The following ARHGAP11A variants were observed in gnomAD, a reference collection of about 807,000 sequenced individuals.
ARHGAP11A encodes the protein Rho GTPase activating protein 11A.
Under a neutral mutation model 60.5 loss-of-function variants are expected in ARHGAP11A, and 36 were observed. The observed-to-expected ratio is 0.59, with a 90% CI of 0.46 to 0.79. ARHGAP11A has a LOEUF of 0.79. Among genes scored for constraint, ARHGAP11A ranks in the 30% least tolerant of loss-of-function variants. The pLI, the probability that ARHGAP11A is intolerant of heterozygous loss-of-function variation, is 0.00. For synonymous variants in ARHGAP11A, 362 were observed against 415.5 expected (o/e 0.87, Z 1.57); for missense variants, 1,071 against 1,199.2 (o/e 0.89, Z 1.58).
chr15:32,618,758 A>ACCCCCCCCC lies in ARHGAP11A; in HGVS notation c.130-1345_130-1337dup, dbSNP rs57091917. 6.8e-3 allele frequency among the ~76,000 whole-genome samples: 799 copies of ACCCCCCCCC among 117,492 alleles called. 1 individual carries two copies. Among genetic ancestry groups the ACCCCCCCCC allele is most frequent in the Middle Eastern group, 0.014 (3 of 214 alleles). The allele number at this position is 117,492 out of a possible 152,430, so 77.1% of individuals were successfully genotyped here. ...AGACCATCCTAGCTAACACGGTGAA[A>ACCCCCCCCC]CCCCCCCCCCCCCGCCCCACGTCTC... On this transcript the variant is annotated intron_variant, in intron 1 of 11. Coordinates refer to ENST00000361627, the MANE Select transcript of ARHGAP11A (RefSeq NM_014783.6).
intron 2 of ARHGAP11A, among the ~76,000 whole-genome samples, chr15:32,620,446 A>G (rs2053269533): frequency 6.6e-6 from 1 of 151,946 alleles, no homozygotes; most frequent in Non-Finnish European, 1.5e-5. Context: ...GGAAATGAAG[A>G]AGAAGAGAGT....
chr15:32,616,315 A>G lies in ARHGAP11A; in HGVS notation c.104A>G (p.His35Arg), dbSNP rs1367956455. 4 of 1,614,042 alleles carry G rather than the reference A, an allele frequency of 2.5e-6. No homozygotes were observed. The highest frequency in any genetic ancestry group is 2.5e-6 in the Non-Finnish European group (3 of 1,179,936). The change falls in exon 1 of 12, where the codon CAT becomes CGT. Residue 35 changes from histidine (H) to arginine (R), a missense_variant. This residue lies in a region of ARHGAP11A where 71 missense variants were observed against 142.4 expected (regional missense o/e 0.50). Coordinates refer to ENST00000361627, the MANE Select transcript of ARHGAP11A (RefSeq NM_014783.6). ...GVRGQCDRRR[H>R]ETAATEIGGK... The stretch of plus-strand genomic sequence containing the variant: ...CGTGGGCAGTGCGATCGCAGGAGAC[A>G]TGAAACAGCAGCCACGGAAATAGGG...
At chr15:32,623,618 C>A (rs776072515) in intron 3 of ARHGAP11A, 30 bp downstream of exon 3, 5 of 1,590,410 alleles carry the variant, frequency 3.1e-6, no homozygotes, top group South Asian at 1.1e-5. Context: ...ATTAATTTTT[C>A]ATTTGAGCCA....
At chr15:32,621,695 C>T (rs1203654193) in intron 2 of ARHGAP11A, among the ~76,000 whole-genome samples, 3 of 152,302 alleles carry the variant, frequency 2.0e-5, no homozygotes, top group Non-Finnish European at 2.9e-5. Context: ...TGTGGTAGCA[C>T]GCACCTGTAG....
rs760806488 is a variant in ARHGAP11A, at chr15:32,633,029, G to A, written c.1156G>A (p.Val386Ile). ...GTCATCTCAGAGTTCACTCTCTCCT[G>A]TACTCATTGGTGGAAACCATTTGAT... ...EGSSQSSLSP[V>I]LIGGNHLITA... The change falls in exon 9 of 12, where the codon GTA becomes ATA. Residue 386 changes from valine (V) to isoleucine (I), a missense_variant. Physicochemically the swap from Val to Ile is conservative, Grantham distance 29. Around this residue, in one of 4 missense-constraint regions of ARHGAP11A, gnomAD observed 776 missense variants for 760.2 expected, o/e 1.02. Coordinates refer to ENST00000361627, the MANE Select transcript of ARHGAP11A (RefSeq NM_014783.6). 6.2e-7 allele frequency: 1 copy of A among 1,614,100 alleles called. No homozygotes were observed. Among genetic ancestry groups the A allele is most frequent in the Admixed American group, 1.7e-5 (1 of 60,022 alleles).
At chr15:32,617,063 G>A (rs1397110121) in intron 1 of ARHGAP11A, among the ~76,000 whole-genome samples, 1 of 152,098 alleles carries the variant, frequency 6.6e-6, no homozygotes, top group Non-Finnish European at 1.5e-5. Flanking sequence ...GATTTTAATA[G>A]CTCTGCCACA....
intron 6 of ARHGAP11A, among the ~76,000 whole-genome samples, chr15:32,627,072 C>A (rs903619636): frequency 6.6e-6 from 1 of 152,128 alleles, no homozygotes; most frequent in Non-Finnish European, 1.5e-5. Flanking sequence ...TGCCCTCTTT[C>A]CCAGTCCTGT....
chr15:32,639,341 C>T lies in ARHGAP11A; in HGVS notation c.*1496C>T, dbSNP rs371648573. 3.4e-4 allele frequency: 51 copies of T among 152,052 alleles called. No individual in the cohort carries two copies. Among genetic ancestry groups the T allele is most frequent in the African/African-American group, 1.2e-3 (48 of 41,394 alleles). 9.4% of individuals were successfully genotyped at this position (152,052 alleles called of 1,614,324 possible). ...ACCAGACTTACAGCATAAGTATGTA[C>T]GAGGAATTTCAAATCATCAGATGTT... On this transcript the variant is annotated 3_prime_UTR_variant, in exon 12 of 12. Coordinates refer to ENST00000361627, the MANE Select transcript of ARHGAP11A (RefSeq NM_014783.6).
intron 1 of ARHGAP11A, among the ~76,000 whole-genome samples, chr15:32,618,987 C>G (rs1223332076): frequency 6.6e-6 from 1 of 152,114 alleles, no homozygotes; most frequent in East Asian, 1.9e-4. Flanking sequence ...CTTCAGGAGC[C>G]TACTCTCTTA....
intron 2 of ARHGAP11A, among the ~76,000 whole-genome samples, chr15:32,620,621 A>T (rs978371830): frequency 1.3e-5 from 2 of 151,822 alleles, no homozygotes; most frequent in Non-Finnish European, 2.9e-5. Context: ...TTGAATTTTA[A>T]AGTCCAGTAA....
rs376783460 is a variant in ARHGAP11A, at chr15:32,637,424, T to C, written c.2651T>C (p.Ile884Thr). Residue 884 changes from isoleucine to threonine, a missense_variant, in exon 12 of 12, where the codon ATA (isoleucine) becomes ACA (threonine). Physicochemically the swap from Ile to Thr is moderately conservative, Grantham distance 89. Transcript: ENST00000361627. ...TGTGACGGTGCTCTTTCCTCTTGTA[T>C]AGAAAGTGCATCAAAAGATTCCTCT... ...VSCDGALSSC[I>T]ESASKDSSVS... 1.9e-5 allele frequency: 30 copies of C among 1,614,034 alleles called. No homozygotes were observed. In the African/African-American group the frequency reaches 3.9e-4, roughly 21 times the overall value.
intron 1 of ARHGAP11A, 42 bp downstream of exon 1, chr15:32,616,382 A>C: frequency 6.2e-7 from 1 of 1,611,496 alleles, no homozygotes; most frequent in Non-Finnish European, 8.5e-7. Context: ...AAGAAAGGGC[A>C]CACCCTTTAT....
At chr15:32,631,706 C>T (rs1464906612) in intron 8 of ARHGAP11A, among the ~76,000 whole-genome samples, 3 of 152,198 alleles carry the variant, frequency 2.0e-5, no homozygotes, top group Non-Finnish European at 4.4e-5. Context: ...GACGGAGTCT[C>T]GCTCTGTCTC....
intron 1 of ARHGAP11A, among the ~76,000 whole-genome samples, chr15:32,618,766 C>G (rs907188284): frequency 7.1e-6 from 1 of 141,674 alleles, no homozygotes; most frequent in Non-Finnish European, 1.6e-5. Context: ...AAACCCCCCC[C>G]CCCCCGCCCC....
At position 32,615,538 on chromosome 15, in the gene ARHGAP11A, G is replaced by A. The variant is rs1443411781; in HGVS notation, c.-674G>A. ...GTGGTGGCTCTGGGTGTCTGCGGAG[G>A]AGCTGGGGGCGGAAGCATGAGGCTA... On this transcript the variant is annotated 5_prime_UTR_variant, in exon 1 of 12. Coordinates refer to ENST00000361627, the MANE Select transcript of ARHGAP11A (RefSeq NM_014783.6). The A allele has an allele frequency of 6.5e-6, 1 of 153,050 alleles. No homozygotes were observed. The highest frequency in any genetic ancestry group is 1.5e-5 in the Non-Finnish European group (1 of 68,544). The allele number at this position is 153,050 out of a possible 1,614,324, so 9.5% of individuals were successfully genotyped here. A position where few individuals can be genotyped will look rare whatever the true frequency, so the allele number is the denominator to read the frequency against.
chr15:32,622,179 G>A (rs1389743590), intron 2 of ARHGAP11A, among the ~76,000 whole-genome samples: 1 of 152,308 alleles, frequency 6.6e-6, no homozygotes, highest in East Asian at 1.9e-4. Context: ...AGCACTTAGG[G>A]AGGCCCAGGT....
intron 8 of ARHGAP11A, among the ~76,000 whole-genome samples, chr15:32,632,574 A>G (rs2053609165): frequency 6.6e-6 from 1 of 152,206 alleles, no homozygotes; most frequent in Non-Finnish European, 1.5e-5. Flanking sequence ...TAAATATTTT[A>G]TATAGATAAC....
At position 32,637,949 on chromosome 15, in the gene ARHGAP11A, AAT is replaced by A; in HGVS notation, c.*106_*107del. 1 of 1,011,358 alleles carries A rather than the reference AAT, an allele frequency of 9.9e-7. No individual in the cohort carries two copies. 62.6% of individuals were successfully genotyped at this position (1,011,358 alleles called of 1,614,324 possible). ...TTGTAGCTCAGGATGATTGTTAAGC[AAT>A]AGATTTGCTCTATTGAAAATGTTTC... On this transcript the variant is annotated 3_prime_UTR_variant, in exon 12 of 12. Coordinates refer to ENST00000361627, the MANE Select transcript of ARHGAP11A (RefSeq NM_014783.6).
chr15:32,629,400 C>T (rs547367143), intron 7 of ARHGAP11A, among the ~76,000 whole-genome samples, 195 bp from the exon 8 acceptor site: 7 of 147,536 alleles, frequency 4.7e-5, no homozygotes, highest in African/African-American at 1.3e-4. Context: ...CTTGCCTCTG[C>T]GACTTCCTTA....
Sources: gnomAD v4.1 joint callset for allele counts (sites outside exome capture counted in the v4.1 genomes callset) on GRCh38, gnomAD v4.1.1 for gene constraint, gnomAD v4.1.1 regional missense constraint, MANE v1.5 for transcripts, NCBI Gene and HGNC (gene_info 2026-07-23, HGNC 2026-07-21) for gene names.